CDH2: variants seen among roughly 807,000 people sequenced by gnomAD.
CDH2 encodes cadherin 2.
CDH2 carries 17 observed loss-of-function variants against 92.0 expected under a neutral mutation model. That is an observed-to-expected ratio of 0.18 (90% CI 0.13 to 0.28). CDH2 has a LOEUF of 0.28. Ranked by LOEUF, CDH2 falls within the 10% of genes least tolerant of loss-of-function variation. CDH2 has a pLI of 1.00. For missense variants in CDH2, 862 were observed against 1,133.1 expected, an observed-to-expected ratio of 0.76 and a Z score of 3.44; for synonymous variants, 419 against 415.9, an observed-to-expected ratio of 1.01 and a Z score of -0.09.
Position 28,113,132 on chromosome 18 carries a change from G to C in CDH2, c.172+34541C>G, listed in dbSNP as rs181094860. Among the ~76,000 whole-genome samples, 7 of 152,218 alleles carry C rather than the reference G, an allele frequency of 4.6e-5. No homozygotes were observed. In the East Asian group the frequency reaches 1.4e-3, roughly 29 times the overall value. The stretch of plus-strand genomic sequence containing the variant: ...GTGCAAAGCATCTATATAGGAATTA[G>C]GACAGTGGAAGTATGAGGTAAGCTG... On this transcript the variant is annotated intron_variant, in intron 2 of 15. Transcript: ENST00000269141.
chr18:27,951,982 A>G lies in CDH2; in HGVS notation c.*171T>C. ...TGAGCTCAGTGTTTTTCCAAACAGT[A>G]TGGATCACTGATATTCCCTCTGAGC... is the stretch of plus-strand genomic sequence containing the variant. On this transcript the variant is annotated 3_prime_UTR_variant, in exon 16 of 16. Coordinates refer to ENST00000269141, the MANE Select transcript of CDH2 (RefSeq NM_001792.5). 4 of 620,670 alleles carry G rather than the reference A, an allele frequency of 6.4e-6. No individual in the cohort carries two copies. Among genetic ancestry groups the G allele is most frequent in the Non-Finnish European group, 1.1e-5 (4 of 347,912 alleles). The allele number at this position is 620,670 out of a possible 1,614,324, so 38.4% of individuals were successfully genotyped here. A position where few individuals can be genotyped will look rare whatever the true frequency, so the allele number is the denominator to read the frequency against.
intron 7 of CDH2, 42 bp from the exon 8 acceptor site, chr18:27,993,679 C>T: frequency 1.4e-6 from 2 of 1,443,126 alleles, no homozygotes; most frequent in Non-Finnish European, 1.9e-6. Flanking sequence ...AAACTAATTC[C>T]TCAAGAAGAC....
intron 2 of CDH2, among the ~76,000 whole-genome samples, chr18:28,115,609 C>G (rs987507640): frequency 8.5e-5 from 13 of 152,148 alleles, no homozygotes; most frequent in Admixed American, 2.6e-4. Context: ...ATGGCTGCGG[C>G]CCTCATCCAG....
intron 7 of CDH2, among the ~76,000 whole-genome samples, chr18:27,998,935 ATTTCT>A (rs1172022090): frequency 1.4e-4 from 22 of 152,182 alleles, no homozygotes; most frequent in African/African-American, 5.3e-4. Context: ...TAACTTAAAC[ATTTCT>A]TTACAATTCA....
rs199705934 is a variant in CDH2, at chr18:27,985,735, T to C, written c.1768A>G (p.Thr590Ala). ...ATATCAAGTAAATAGATCTGCAGCG[T>C]TCCTGTTCCACTCATAGGAGGAATT... is the stretch of plus-strand genomic sequence containing the variant. Reference protein sequence around the residue: ...NGIPPMSGTGTLQIYLLDIND... With the variant: ...NGIPPMSGTGALQIYLLDIND... The change falls in exon 12 of 16, where the codon ACG (threonine) becomes GCG (alanine). Residue 590 changes from threonine (T) to alanine (A), a missense_variant. Thr to Ala is a moderately conservative substitution (Grantham distance 58). Around this residue, in one of 5 missense-constraint regions of CDH2, gnomAD observed 564 missense variants for 722.2 expected, o/e 0.78. Transcript: ENST00000269141. 3 of 1,610,924 alleles carry C rather than the reference T, an allele frequency of 1.9e-6. No individual in the cohort carries two copies. The highest frequency in any genetic ancestry group is 2.7e-5 in the African/African-American group (2 of 74,820).
intron 1 of CDH2, among the ~76,000 whole-genome samples, chr18:28,171,550 A>T (rs975139334): frequency 1.3e-5 from 2 of 152,204 alleles, no homozygotes; most frequent in African/African-American, 4.8e-5. Flanking sequence ...AGAAAATTTT[A>T]AGTTTAAAAT....
At chr18:28,163,630 A>G (rs796549374) in intron 1 of CDH2, among the ~76,000 whole-genome samples, 4 of 152,364 alleles carry the variant, frequency 2.6e-5, no homozygotes, top group African/African-American at 9.6e-5. Context: ...CAATAAACCA[A>G]ATAAGTAAAT....
intron 6 of CDH2, among the ~76,000 whole-genome samples, chr18:27,933,997 A>G (rs756986741): frequency 6.6e-6 from 1 of 152,226 alleles, no homozygotes; most frequent in African/African-American, 2.4e-5. Flanking sequence ...GAAAGAAAAT[A>G]TGTTATCAGC....
intron 6 of CDH2, among the ~76,000 whole-genome samples, chr18:28,003,900 G>A (rs1214910594): frequency 1.3e-5 from 2 of 152,190 alleles, no homozygotes; most frequent in African/African-American, 4.8e-5. Context: ...ACTGTTTAGA[G>A]TGGTTTGTTC....
intron 5 of CDH2, among the ~76,000 whole-genome samples, chr18:28,007,129 C>A (rs1248287009): frequency 3.6e-4 from 51 of 140,574 alleles, no homozygotes; most frequent in African/African-American, 1.3e-3. Context: ...CACTGCACTC[C>A]AGCCTGGGCA....
chr18:28,147,901 T>G, intron 1 of CDH2, 117 bp from the exon 2 acceptor site: 1 of 620,502 alleles, frequency 1.6e-6, no homozygotes, highest in East Asian at 2.7e-5. Context: ...AAACAACCCC[T>G]TTGTTTCCAA....
At chr18:27,945,206 A>G (rs1229238825) in intron 6 of CDH2, among the ~76,000 whole-genome samples, 1 of 152,056 alleles carries the variant, frequency 6.6e-6, no homozygotes, top group East Asian at 1.9e-4. Flanking sequence ...TCAATGAAAA[A>G]GCAAGACCCG....
At chr18:28,011,624 G>A (rs915036894) in intron 4 of CDH2, among the ~76,000 whole-genome samples, 1 of 152,188 alleles carries the variant, frequency 6.6e-6, no homozygotes, top group African/African-American at 2.4e-5. Context: ...CTAATCCACA[G>A]TGTGCAGGAC....
chr18:28,142,529 T>C (rs2015971182), intron 2 of CDH2, among the ~76,000 whole-genome samples: 1 of 151,932 alleles, frequency 6.6e-6, no homozygotes, highest in Non-Finnish European at 1.5e-5. Flanking sequence ...TCTTGGTTCT[T>C]TTATTGATCT....
At chr18:28,119,295 C>T (rs2015547120) in intron 2 of CDH2, among the ~76,000 whole-genome samples, 1 of 152,018 alleles carries the variant, frequency 6.6e-6, no homozygotes, top group South Asian at 2.1e-4. Flanking sequence ...CAGGTATATC[C>T]CATGCACAGC....
At chr18:28,116,945 T>C (rs981951850) in intron 2 of CDH2, among the ~76,000 whole-genome samples, 1 of 152,146 alleles carries the variant, frequency 6.6e-6, no homozygotes, top group Non-Finnish European at 1.5e-5. Flanking sequence ...TCAAATTTTG[T>C]AGGCGGAGTA....
Position 28,036,332 on chromosome 18 carries a change from G to A in CDH2, c.173-22423C>T, listed in dbSNP as rs1011614210. 4.7e-6 allele frequency: 3 copies of A among 634,440 alleles called. No individual in the cohort carries two copies. The African/African-American group carries it at 5.6e-5, about 12-fold the overall frequency. 39.3% of individuals were successfully genotyped at this position (634,440 alleles called of 1,614,324 possible). ...GTTTTAGTTTGATTTTAGGTTAACA[G>A]AAATTCACATAAGCATTAAATTCCT... On this transcript the variant is annotated intron_variant, in intron 2 of 15. Coordinates refer to ENST00000269141, the MANE Select transcript of CDH2 (RefSeq NM_001792.5).
chr18:28,010,752 C>T (rs1331802551), intron 4 of CDH2, among the ~76,000 whole-genome samples: 6 of 151,608 alleles, frequency 4.0e-5, no homozygotes, highest in African/African-American at 1.5e-4. Flanking sequence ...TCACTGCAAG[C>T]TCCACCTCCC....
intron 2 of CDH2, among the ~76,000 whole-genome samples, chr18:28,141,185 C>T (rs1435130036): frequency 3.3e-5 from 5 of 151,540 alleles, no homozygotes; most frequent in Non-Finnish European, 5.9e-5. Context: ...GTATATACTC[C>T]AAAGAAAACA....
Sources: allele counts gnomAD v4.1 joint callset (sites outside exome capture counted in the v4.1 genomes callset), GRCh38; gene constraint gnomAD v4.1.1; regional missense constraint gnomAD v4.1.1; transcripts MANE v1.5; gene names NCBI Gene and HGNC (gene_info 2026-07-23, HGNC 2026-07-21).